HSPA4: variants seen among roughly 807,000 people sequenced by gnomAD.
The protein encoded by HSPA4 is heat shock protein family A (Hsp70) member 4, also known as heat shock 70 kDa protein 4.
A neutral mutation model predicts 106.2 loss-of-function variants in HSPA4; 25 were observed. The observed-to-expected ratio is 0.24, with a 90% CI of 0.17 to 0.33. The LOEUF is 0.33. Among genes scored for constraint, HSPA4 ranks in the 10% least tolerant of loss-of-function variants. HSPA4 has a pLI of 1.00. For synonymous variants in HSPA4, 332 were observed against 333.6 expected, an observed-to-expected ratio of 1.00 and a Z score of 0.05; for missense variants, 841 against 996.0, an observed-to-expected ratio of 0.84 and a Z score of 2.10.
chr5:133,071,285 A>C (rs1366029160), intron 4 of HSPA4, among the ~76,000 whole-genome samples: 5 of 53,290 alleles, frequency 9.4e-5, no homozygotes, highest in Non-Finnish European at 1.8e-4. Flanking sequence ...TGTCTTTACC[A>C]AAAAAAAAAA....
At chr5:133,091,066 C>A in intron 11 of HSPA4, 127 bp from the exon 12 acceptor site, 1 of 839,844 alleles carries the variant, frequency 1.2e-6, no homozygotes, top group Non-Finnish European at 2.1e-6. Context: ...ACCGATTTTG[C>A]TTATTTTAAG....
chr5:133,093,976 C>T (rs1482933595), intron 13 of HSPA4, among the ~76,000 whole-genome samples: 1 of 152,096 alleles, frequency 6.6e-6, no homozygotes, highest in East Asian at 1.9e-4. Flanking sequence ...GCTGGTAGCT[C>T]CAGCCACCCA....
At chr5:133,103,829 AC>A in intron 17 of HSPA4, 35 bp from the exon 18 acceptor site, 1 of 1,583,576 alleles carries the variant, frequency 6.3e-7, no homozygotes, top group Non-Finnish European at 8.6e-7. Flanking sequence ...AGGGTATCAC[AC>A]TTTTAGCACT....
intron 8 of HSPA4, 81 bp from the exon 9 acceptor site, chr5:133,088,323 A>G: frequency 3.0e-6 from 3 of 990,524 alleles, no homozygotes; most frequent in Non-Finnish European, 1.5e-6. Context: ...GTTTTGTTAC[A>G]CATCTGAGTT....
intron 7 of HSPA4, among the ~76,000 whole-genome samples, chr5:133,083,908 G>A (rs1235043079): frequency 2.0e-5 from 3 of 151,948 alleles, no homozygotes; most frequent in South Asian, 2.1e-4. Context: ...CTTAAATTGC[G>A]GACATCTATA....
At chr5:133,060,738 C>CT (rs906427327) in intron 1 of HSPA4, among the ~76,000 whole-genome samples, 14 of 146,932 alleles carry the variant, frequency 9.5e-5, no homozygotes, top group African/African-American at 3.0e-4. Context: ...GGAAGTAGGA[C>CT]TTTTTTTTAA....
chr5:133,091,122 T>G, intron 11 of HSPA4, 71 bp from the exon 12 acceptor site: 1 of 1,219,856 alleles, frequency 8.2e-7, no homozygotes, highest in African/African-American at 1.5e-5. Context: ...AATCTAGCAA[T>G]GTAGGCATAT....
chr5:133,063,480 G>A (rs1330977427), intron 1 of HSPA4, among the ~76,000 whole-genome samples: 1 of 152,058 alleles, frequency 6.6e-6, no homozygotes, highest in Non-Finnish European at 1.5e-5. Flanking sequence ...GCCCAGGCTG[G>A]AGTGCAGTGG....
intron 3 of HSPA4, among the ~76,000 whole-genome samples, chr5:133,069,607 C>T (rs560076113): frequency 6.6e-6 from 1 of 152,280 alleles, no homozygotes; most frequent in East Asian, 1.9e-4. Flanking sequence ...GTTCTAGGTG[C>T]TGGAGCTATG....
chr5:133,076,931 A>G (rs1435243818), intron 7 of HSPA4, 33 bp downstream of exon 7: 1 of 1,546,678 alleles, frequency 6.5e-7, no homozygotes. Context: ...GTTAAAGTGA[A>G]GAGTGAGTTT....
intron 7 of HSPA4, among the ~76,000 whole-genome samples, chr5:133,082,817 A>C (rs1765529186): frequency 6.6e-6 from 1 of 152,120 alleles, no homozygotes; most frequent in Non-Finnish European, 1.5e-5. Context: ...TATTGCAATA[A>C]AACTTTTTAA....
chr5:133,097,549 C>CTTTT (rs551499462), intron 15 of HSPA4, among the ~76,000 whole-genome samples: 3 of 127,584 alleles, frequency 2.4e-5, no homozygotes, highest in Non-Finnish European at 3.3e-5. Flanking sequence ...CTTTTCTTTT[C>CTTTT]TTTTTTTTTT....
intron 1 of HSPA4, among the ~76,000 whole-genome samples, chr5:133,054,301 C>CCTCTCCTGCGCGATTCTCCTG (rs1765131292): frequency 6.6e-6 from 1 of 152,116 alleles, no homozygotes; most frequent in Non-Finnish European, 1.5e-5. Flanking sequence ...CTCCTGGGTT[C>CCTCTCCTGCGCGATTCTCCTG]AAGCGATTCT....
chr5:133,081,978 T>C (rs73264441), intron 7 of HSPA4, among the ~76,000 whole-genome samples: 3,456 of 152,306 alleles, frequency 0.023, 131 homozygotes, highest in African/African-American at 0.075. Flanking sequence ...CATATGTGAA[T>C]GTTCATTGCA....
chr5:133,101,840 C>G lies in HSPA4; in HGVS notation c.2119C>G (p.Gln707Glu), dbSNP rs1765788847. The change falls in exon 17 of 19, where the codon CAA (glutamine) becomes GAA (glutamate). Residue 707 changes from glutamine to glutamate, a missense_variant. By Grantham distance (29) the Gln-to-Glu change is conservative. Around this residue, in one of 5 missense-constraint regions of HSPA4, gnomAD observed 328 missense variants for 372.2 expected, o/e 0.88. Coordinates refer to ENST00000304858, the MANE Select transcript of HSPA4 (RefSeq NM_002154.4). ...KLFEELGKQI[Q>E]QYMKIISSFK... ...ATTTGAAGAACTAGGGAAACAGATC[C>G]AACAGTATATGAAAATAATCAGCTC... 6 of 1,595,162 alleles carry G rather than the reference C, an allele frequency of 3.8e-6. No individual in the cohort carries two copies. The highest frequency in any genetic ancestry group is 1.7e-4 in the Middle Eastern group (1 of 5,926).
chr5:133,086,642 G>T (rs1304517133), intron 7 of HSPA4, 140 bp from the exon 8 acceptor site: 2 of 621,024 alleles, frequency 3.2e-6, no homozygotes, highest in Non-Finnish European at 5.7e-6. Context: ...TCTATTACCT[G>T]GGAATGTATG....
chr5:133,103,915 A>C lies in HSPA4; in HGVS notation c.2208A>C (p.Lys736Asn). Residue 736 changes from lysine (K) to asparagine (N), a missense_variant, in exon 18 of 19, where the codon AAA becomes AAC. Physicochemically the swap from Lys to Asn is moderately conservative, Grantham distance 94 (BLOSUM62 0). Transcript: ENST00000304858. ...CTGCTGACATGACAAAGGTAGAAAA[A>C]AGCACAAATGAAGCAATGGAGTGGA... ...LDAADMTKVEKSTNEAMEWMN... is the reference protein window; with the variant it reads ...LDAADMTKVENSTNEAMEWMN... 6.2e-7 allele frequency: 1 copy of C among 1,614,150 alleles called. No homozygotes were observed. Among genetic ancestry groups the C allele is most frequent in the Non-Finnish European group, 8.5e-7 (1 of 1,180,000 alleles).
chr5:133,077,495 C>T (rs1765460149), intron 7 of HSPA4, among the ~76,000 whole-genome samples: 1 of 152,216 alleles, frequency 6.6e-6, no homozygotes, highest in African/African-American at 2.4e-5. Flanking sequence ...ACCTCAGCCT[C>T]CCAAAGTATG....
In HSPA4 at chr5:133,052,027, C is replaced by T. The variant is rs1561573400; in HGVS notation, c.-224C>T. 2 of 542,814 alleles carry T rather than the reference C, an allele frequency of 3.7e-6. No individual in the cohort carries two copies. Among genetic ancestry groups the T allele is most frequent in the South Asian group, 4.5e-5 (2 of 44,660 alleles). The allele number at this position is 542,814 out of a possible 1,614,324, so 33.6% of individuals were successfully genotyped here. A position where few individuals can be genotyped will look rare whatever the true frequency, so the allele number is the denominator to read the frequency against. ...CGAGATCTTTCGAGATCTTCTCCGC[C>T]CCCGCTACCGGCGCCTCCTCTGCGG... On this transcript the variant is annotated 5_prime_UTR_variant, in exon 1 of 19. Coordinates refer to ENST00000304858, the MANE Select transcript of HSPA4 (RefSeq NM_002154.4).
Sources: gnomAD v4.1 joint callset for allele counts (sites outside exome capture counted in the v4.1 genomes callset) on GRCh38, gnomAD v4.1.1 for gene constraint, gnomAD v4.1.1 regional missense constraint, MANE v1.5 for transcripts, NCBI Gene and HGNC (gene_info 2026-07-23, HGNC 2026-07-21) for gene names.